SUSD6: variants seen among roughly 807,000 people sequenced by gnomAD.
The protein encoded by SUSD6 is sushi domain containing 6.
SUSD6 carries 16 observed loss-of-function variants against 28.4 expected under a neutral mutation model. That is an observed-to-expected ratio of 0.56 (90% CI 0.38 to 0.86). The LOEUF (loss-of-function observed/expected upper bound fraction) is 0.86. Ranked by LOEUF, SUSD6 falls within the 40% of genes least tolerant of loss-of-function variation. SUSD6 has a pLI of 0.00. For synonymous variants in SUSD6, 147 were observed against 159.6 expected (o/e 0.92, Z 0.59); for missense variants, 341 against 384.2 (o/e 0.89, Z 0.94).
chr14:69,708,919 G>C lies in SUSD6; in HGVS notation c.701G>C (p.Gly234Ala). The C allele has an allele frequency of 6.2e-7, 1 of 1,614,156 alleles. No individual in the cohort carries two copies. The highest frequency in any genetic ancestry group is 8.5e-7 in the Non-Finnish European group (1 of 1,180,020). Residue 234 changes from glycine (G) to alanine (A), a missense_variant, in exon 5 of 6, where the codon GGC (glycine) becomes GCC (alanine). By Grantham distance (60) the Gly-to-Ala change is moderately conservative (BLOSUM62 0). Transcript: ENST00000342745. ...SSAGGEDEAP[G>A]QSGLCEAWGS... is the part of the protein sequence containing the mutation. ...GCAGGTGGAGAAGATGAGGCCCCAG[G>C]CCAGTCTGGACTATGTGAAGCCTGG...
chr14:69,639,711 C>T (rs959737704), intron 1 of SUSD6, among the ~76,000 whole-genome samples: 1 of 152,194 alleles, frequency 6.6e-6, no homozygotes, highest in African/African-American at 2.4e-5. Context: ...TGCAGCATCA[C>T]TGATGTTGGA....
At chr14:69,635,703 T>C (rs1365740018) in intron 1 of SUSD6, among the ~76,000 whole-genome samples, 1 of 152,000 alleles carries the variant, frequency 6.6e-6, no homozygotes, top group African/African-American at 2.4e-5. Context: ...AACACAGGGT[T>C]CCCATTATAA....
chr14:69,691,840 G>A (rs1886156931), intron 2 of SUSD6, among the ~76,000 whole-genome samples: 1 of 152,150 alleles, frequency 6.6e-6, no homozygotes, highest in Admixed American at 6.5e-5. Context: ...AGGTGTTCAA[G>A]ACCAGCCTAG....
At chr14:69,662,995 G>A (rs1885685311) in intron 2 of SUSD6, among the ~76,000 whole-genome samples, 1 of 152,208 alleles carries the variant, frequency 6.6e-6, no homozygotes, top group Admixed American at 6.5e-5. Context: ...TTTTTATGCA[G>A]TTGATATTCT....
chr14:69,709,722 G>A (rs1594726289), intron 5 of SUSD6, among the ~76,000 whole-genome samples: 1 of 152,326 alleles, frequency 6.6e-6, no homozygotes, highest in East Asian at 1.9e-4. Context: ...GGTGGCTCTA[G>A]CGCCCTTGTG....
At chr14:69,710,780 A>G (rs1029048572) in intron 5 of SUSD6, among the ~76,000 whole-genome samples, 174 bp from the exon 6 acceptor site, 4 of 152,172 alleles carry the variant, frequency 2.6e-5, no homozygotes, top group East Asian at 1.9e-4. Context: ...TAAGCTAGAA[A>G]GTCATAAAAA....
chr14:69,619,883 G>A (rs1010092910), intron 1 of SUSD6, among the ~76,000 whole-genome samples: 2 of 152,218 alleles, frequency 1.3e-5, no homozygotes, highest in Non-Finnish European at 2.9e-5. Flanking sequence ...ACCCTTCAGA[G>A]CTGTGTCTCG....
intron 2 of SUSD6, chr14:69,670,317 T>C (rs1595049554): frequency 2.4e-6 from 1 of 408,806 alleles, no homozygotes. Context: ...ATTCCACAGG[T>C]ACTCGTTGAA....
At chr14:69,653,397 A>G (rs372690378) in intron 1 of SUSD6, among the ~76,000 whole-genome samples, 118 of 152,344 alleles carry the variant, frequency 7.7e-4, no homozygotes, top group African/African-American at 2.6e-3. Context: ...AGAGAAGGGT[A>G]GAAGCGGTGA....
rs1408458492 is a variant in SUSD6 at position 69,684,793 on chromosome 14, A to G, written c.122-18602A>G. On this transcript the variant is annotated intron_variant, in intron 2 of 5. Coordinates refer to ENST00000342745, the MANE Select transcript of SUSD6 (RefSeq NM_014734.4). ...TTCCCCTGCCAGGAGATGTGGGGCCATTATGGCAGAAGAGGAGCTAAGGAG... is the reference window on the plus strand; with the variant it reads ...TTCCCCTGCCAGGAGATGTGGGGCCGTTATGGCAGAAGAGGAGCTAAGGAG... Among the ~76,000 whole-genome samples the G allele has an allele frequency of 3.3e-5, 5 of 152,272 alleles. No individual in the cohort carries two copies. The South Asian group carries it at 6.2e-4, about 19-fold the overall frequency.
chr14:69,624,189 C>T (rs1268894767), intron 1 of SUSD6, among the ~76,000 whole-genome samples: 1 of 152,214 alleles, frequency 6.6e-6, no homozygotes, highest in Non-Finnish European at 1.5e-5. Flanking sequence ...CAATTACCAT[C>T]ATGTTAGAGT....
At chr14:69,649,179 C>T (rs1885469068) in intron 1 of SUSD6, among the ~76,000 whole-genome samples, 2 of 152,192 alleles carry the variant, frequency 1.3e-5, no homozygotes, top group Admixed American at 6.5e-5. Context: ...TTGTGAATTC[C>T]TTGAGAGTAA....
chr14:69,647,050 G>A (rs1221077858), intron 1 of SUSD6, among the ~76,000 whole-genome samples: 1 of 152,014 alleles, frequency 6.6e-6, no homozygotes, highest in African/African-American at 2.4e-5. Flanking sequence ...ATTAGTTTTT[G>A]ATATATTCTA....
intron 2 of SUSD6, among the ~76,000 whole-genome samples, chr14:69,669,103 C>T (rs774746545): frequency 1.6e-5 from 2 of 123,088 alleles, no homozygotes; most frequent in African/African-American, 6.2e-5. Flanking sequence ...CTCGCTTTGT[C>T]GCCAGGCTGG....
chr14:69,704,756 C>G lies in SUSD6; in HGVS notation c.458+14C>G. On this transcript the variant is annotated intron_variant, in intron 4 of 5. Transcript: ENST00000342745. ...CCATCATAGCAGGTGAGTCCAGTGG[C>G]AGAGCTGACATGAGACAGGCAGGTG... 1 of 1,611,802 alleles carries G rather than the reference C, an allele frequency of 6.2e-7. No individual in the cohort carries two copies. Among genetic ancestry groups the G allele is most frequent in the Non-Finnish European group, 8.5e-7 (1 of 1,179,084 alleles).
intron 2 of SUSD6, among the ~76,000 whole-genome samples, chr14:69,691,372 C>A (rs1185157897): frequency 6.6e-6 from 1 of 152,092 alleles, no homozygotes; most frequent in Admixed American, 6.6e-5. Flanking sequence ...GACAAAAAAC[C>A]CATTCAGACC....
At chr14:69,670,148 C>T (rs1885808242) in intron 2 of SUSD6, among the ~76,000 whole-genome samples, 1 of 152,128 alleles carries the variant, frequency 6.6e-6, no homozygotes, top group Non-Finnish European at 1.5e-5. Flanking sequence ...TGGGCAGGAG[C>T]TATGTAATGC....
intron 2 of SUSD6, among the ~76,000 whole-genome samples, chr14:69,662,590 G>GT (rs1885679118): frequency 6.6e-6 from 1 of 152,180 alleles, no homozygotes; most frequent in Admixed American, 6.5e-5. Flanking sequence ...AAAAGGAGGC[G>GT]TATCTTATTC....
intron 1 of SUSD6, among the ~76,000 whole-genome samples, chr14:69,655,841 C>T (rs1885574177): frequency 6.6e-6 from 1 of 152,056 alleles, no homozygotes; most frequent in Non-Finnish European, 1.5e-5. Flanking sequence ...AGATTCTTTA[C>T]CATTTGGCCG....
Sources: gnomAD v4.1 joint callset for allele counts (sites outside exome capture counted in the v4.1 genomes callset) on GRCh38, gnomAD v4.1.1 for gene constraint, MANE v1.5 for transcripts, NCBI Gene and HGNC (gene_info 2026-07-23, HGNC 2026-07-21) for gene names.